FAM107A: variants seen among roughly 807,000 people sequenced by gnomAD.
FAM107A encodes family with sequence similarity 107 member A, also known as actin-associated protein FAM107A.
A neutral mutation model predicts 13.7 loss-of-function variants in FAM107A; 19 were observed. The observed-to-expected ratio is 1.38, with a 90% CI of 0.97 to 2.03. The LOEUF (loss-of-function observed/expected upper bound fraction) is 2.03. Ranked by LOEUF, FAM107A falls within the 30% of genes most tolerant of loss-of-function variation. The probability of loss-of-function intolerance (pLI) is 0.00; values close to 1 mark genes in which losing one functional copy is unlikely to be tolerated. For synonymous variants in FAM107A, 82 were observed against 74.5 expected, an observed-to-expected ratio of 1.10 and a Z score of -0.52; for missense variants, 203 against 184.4, an observed-to-expected ratio of 1.10 and a Z score of -0.58.
intron 1 of FAM107A, among the ~76,000 whole-genome samples, chr3:58,608,205 CT>C (rs568555722): frequency 9.6e-4 from 146 of 152,268 alleles, no homozygotes; most frequent in African/African-American, 3.4e-3. Context: ...TAGAAAGCAC[CT>C]AACATGGGGC....
upstream of FAM107A, among the ~76,000 whole-genome samples, chr3:58,581,877 CTT>C (rs2065549758): frequency 6.6e-6 from 1 of 152,222 alleles, no homozygotes. Context: ...AATTTGGTCT[CTT>C]AGCTGCAGAA....
chr3:58,597,901 T>C (rs558547992), intron 1 of FAM107A, among the ~76,000 whole-genome samples: 4 of 152,262 alleles, frequency 2.6e-5, no homozygotes, highest in African/African-American at 9.6e-5. Flanking sequence ...CTCAGGAGCT[T>C]TTGTGTGTGT....
intron 1 of FAM107A, among the ~76,000 whole-genome samples, chr3:58,584,828 G>A (rs1389092544): frequency 6.6e-6 from 1 of 152,216 alleles, no homozygotes; most frequent in African/African-American, 2.4e-5. Flanking sequence ...CCTCTAGAGG[G>A]TATTTAAACC....
upstream of FAM107A, among the ~76,000 whole-genome samples, chr3:58,590,062 A>C (rs1186286132): frequency 2.0e-5 from 3 of 152,166 alleles, no homozygotes; most frequent in African/African-American, 7.2e-5. Flanking sequence ...GAGAACTCTA[A>C]GCCAACATTC....
At chr3:58,595,700 G>GCACACACA (rs151159375) in intron 1 of FAM107A, among the ~76,000 whole-genome samples, 2 of 150,868 alleles carry the variant, frequency 1.3e-5, no homozygotes, top group South Asian at 2.1e-4. Flanking sequence ...CTTGTTGCGT[G>GCACACACA]CACACACACA....
chr3:58,600,517 GCTCAGCTC>G (rs1559483611), intron 1 of FAM107A, among the ~76,000 whole-genome samples: 1 of 152,198 alleles, frequency 6.6e-6, no homozygotes, highest in African/African-American at 2.4e-5. Flanking sequence ...AGTGAATTTT[GCTCAGCTC>G]CTTCAGTGAT....
At chr3:58,615,651 T>C (rs1480634427) in intron 1 of FAM107A, among the ~76,000 whole-genome samples, 1 of 151,978 alleles carries the variant, frequency 6.6e-6, no homozygotes, top group Admixed American at 6.6e-5. Context: ...ATCCCAGCAC[T>C]TTGGGAGGCT....
rs191854495 is a variant in FAM107A, at chr3:58,620,256, G to C, written c.-70+7160C>G. On this transcript the variant is annotated intron_variant, in intron 1 of 3. Transcript: ENST00000465970. Reference sequence around the variant, plus strand: ...GTGATGGGGTTTGCCCTAGTCCGGGGAAGTGGGGAGAGTGATGGTGTCATG... The same window carrying C: ...GTGATGGGGTTTGCCCTAGTCCGGGCAAGTGGGGAGAGTGATGGTGTCATG... 4.9e-4 allele frequency among the ~76,000 whole-genome samples: 74 copies of C among 152,318 alleles called. 1 individual carries two copies. Among genetic ancestry groups the C allele is most frequent in the African/African-American group, 1.8e-3 (73 of 41,574 alleles).
At chr3:58,607,710 C>G in intron 1 of FAM107A, 1 of 152,214 alleles carries the variant, frequency 6.6e-6, no homozygotes, top group East Asian at 1.9e-4. Flanking sequence ...GCCCCCATGG[C>G]AAGGAGCTGC....
chr3:58,593,979 C>T (rs558750466), intron 1 of FAM107A, among the ~76,000 whole-genome samples: 5 of 152,044 alleles, frequency 3.3e-5, no homozygotes, highest in Admixed American at 6.6e-5. Context: ...CCCTCCCCCC[C>T]ACCATATTTG....
intron 1 of FAM107A, among the ~76,000 whole-genome samples, chr3:58,619,436 C>A (rs1041336607): frequency 1.3e-5 from 2 of 152,162 alleles, no homozygotes; most frequent in African/African-American, 4.8e-5. Flanking sequence ...GGGGCCCCTA[C>A]GAGGCTGAAG....
At chr3:58,588,524 G>T (rs112299716), upstream of FAM107A, among the ~76,000 whole-genome samples, 23 of 152,332 alleles carry the variant, frequency 1.5e-4, no homozygotes, top group African/African-American at 3.6e-4. Flanking sequence ...ATCTTTGGAG[G>T]CCTCATTGAT....
At chr3:58,603,822 A>C (rs1191719705) in intron 1 of FAM107A, among the ~76,000 whole-genome samples, 1 of 147,056 alleles carries the variant, frequency 6.8e-6, no homozygotes, top group Non-Finnish European at 1.5e-5. Context: ...TGCTGGATCA[A>C]TAAAAGGGAT....
chr3:58,569,884 G>C lies in FAM107A; in HGVS notation c.-5-19C>G, dbSNP rs376120787. 8 of 1,610,572 alleles carry C rather than the reference G, an allele frequency of 5.0e-6. 1 individual carries two copies. The highest frequency in any genetic ancestry group is 6.8e-6 in the Non-Finnish European group (8 of 1,178,336). The stretch of plus-strand genomic sequence containing the variant: ...ATGGCGGCTGTAGAGATGGGCAGAG[G>C]AGTAGCTCAGAGCTGAGCCTATAAT... On this transcript the variant is annotated intron_variant, in intron 1 of 3. Coordinates refer to ENST00000360997, the MANE Select transcript of FAM107A (RefSeq NM_001076778.3). The surrounding 1 kb of genome is among the most constrained non-coding windows in gnomAD (Gnocchi z 5.7).
intron 3 of FAM107A, 96 bp from the exon 4 acceptor site, chr3:58,566,791 GGAAACA>G: frequency 1.0e-6 from 1 of 990,688 alleles, no homozygotes; most frequent in Non-Finnish European, 1.6e-6. Context: ...CACTCAGTGG[GGAAACA>G]GAACCAACCT....
chr3:58,606,423 A>G (rs1316259219), intron 1 of FAM107A, among the ~76,000 whole-genome samples: 4 of 152,192 alleles, frequency 2.6e-5, no homozygotes, highest in African/African-American at 9.6e-5. Context: ...CAGAGCTTCC[A>G]TTGTGTTCTT....
At chr3:58,602,734 A>G (rs923057071) in intron 1 of FAM107A, among the ~76,000 whole-genome samples, 9 of 152,334 alleles carry the variant, frequency 5.9e-5, no homozygotes, top group Non-Finnish European at 4.4e-5. Flanking sequence ...TTACACATGT[A>G]GTGTTACTTT....
Position 58,566,585 on chromosome 3 carries a change from G to A in FAM107A, c.*3C>T, listed in dbSNP as rs779480314. On this transcript the variant is annotated 3_prime_UTR_variant, in exon 4 of 4. Coordinates refer to ENST00000360997, the MANE Select transcript of FAM107A (RefSeq NM_001076778.3). ...GGCAGTGGCCTGAGCCCGGCAGCTGGCCCTACAGCTCTCTCTCTTCGCTGG... is the reference window on the plus strand; with the variant it reads ...GGCAGTGGCCTGAGCCCGGCAGCTGACCCTACAGCTCTCTCTCTTCGCTGG... The A allele has an allele frequency of 7.5e-6, 12 of 1,609,394 alleles. No homozygotes were observed. The highest frequency in any genetic ancestry group is 1.7e-5 in the Admixed American group (1 of 59,982).
chr3:58,566,529 A>G lies in FAM107A; in HGVS notation c.*59T>C, dbSNP rs1246982274. 15 of 1,238,654 alleles carry G rather than the reference A, an allele frequency of 1.2e-5. No homozygotes were observed. Among genetic ancestry groups the G allele is most frequent in the Non-Finnish European group, 1.7e-5 (14 of 842,568 alleles). The allele number at this position is 1,238,654 out of a possible 1,614,324, so 76.7% of individuals were successfully genotyped here. A position where few individuals can be genotyped will look rare whatever the true frequency, so the allele number is the denominator to read the frequency against. On this transcript the variant is annotated 3_prime_UTR_variant, in exon 4 of 4. Transcript: ENST00000360997. ...GGGGCCCAGGGCTGCCAGGTACAGA[A>G]GGGCTGAAGGAGGCTGTCCAGGCCA...
Sources: allele counts gnomAD v4.1 joint callset (sites outside exome capture counted in the v4.1 genomes callset), GRCh38; gene constraint gnomAD v4.1.1; non-coding constraint Gnocchi (gnomAD v3.1); transcripts MANE v1.5; gene names NCBI Gene and HGNC (gene_info 2026-07-23, HGNC 2026-07-21).